CCDC122: variants seen among roughly 807,000 people sequenced by gnomAD.
CCDC122 encodes coiled-coil domain-containing protein 122.
CCDC122 carries 38 observed loss-of-function variants against 37.0 expected under a neutral mutation model. The ratio of observed to expected loss-of-function variants is 1.03; its 90% CI spans 0.79 to 1.35. The LOEUF (loss-of-function observed/expected upper bound fraction) is 1.35. Ranked by LOEUF, CCDC122 falls within the 40% of genes most tolerant of loss-of-function variation. The pLI, the probability that CCDC122 is intolerant of heterozygous loss-of-function variation, is 0.00. For missense variants in CCDC122, 305 were observed against 310.0 expected (o/e 0.98, Z 0.12); for synonymous variants, 83 against 95.6 (o/e 0.87, Z 0.77).
intron 6 of CCDC122, among the ~76,000 whole-genome samples, chr13:43,840,614 T>C (rs1953317588): frequency 6.6e-6 from 1 of 152,002 alleles, no homozygotes; most frequent in African/African-American, 2.4e-5. Context: ...AATTCCCACC[T>C]AGGAGTGAGA....
Position 43,837,137 on chromosome 13 carries a change from A to T in CCDC122, c.*143T>A, listed in dbSNP as rs1398325395. 1 of 786,518 alleles carries T rather than the reference A, an allele frequency of 1.3e-6. No homozygotes were observed. Among genetic ancestry groups the T allele is most frequent in the Non-Finnish European group, 2.0e-6 (1 of 506,556 alleles). 48.7% of individuals were successfully genotyped at this position (786,518 alleles called of 1,614,324 possible). On this transcript the variant is annotated 3_prime_UTR_variant, in exon 7 of 7. Transcript: ENST00000444614. ...TAACAAATCGATGACTGATTTAAAA[A>T]AAACAACAACCGAAGACATCTGTCA...
intron 1 of CCDC122, 72 bp from the exon 2 acceptor site, chr13:43,874,999 T>G (rs1954566188): frequency 6.6e-6 from 1 of 152,188 alleles, no homozygotes; most frequent in Non-Finnish European, 1.5e-5. Flanking sequence ...TAGGCAACAT[T>G]CATACATTAT....
At chr13:43,834,354 C>T (rs1419055793), downstream of CCDC122, among the ~76,000 whole-genome samples, 3 of 152,278 alleles carry the variant, frequency 2.0e-5, no homozygotes, top group African/African-American at 7.2e-5. Context: ...ACCATAAAAA[C>T]CCTAGAAGAA....
intron 2 of CCDC122, 103 bp from the exon 3 acceptor site, chr13:43,869,592 A>G (rs1353682281): frequency 1.2e-5 from 6 of 487,122 alleles, no homozygotes; most frequent in Non-Finnish European, 2.2e-5. Context: ...TTTGGAATGA[A>G]AGTAGAACTG....
downstream of CCDC122, among the ~76,000 whole-genome samples, chr13:43,833,764 C>T (rs1316811658): frequency 7.8e-6 from 1 of 128,788 alleles, no homozygotes; most frequent in East Asian, 2.7e-4. Context: ...GAGCAGTGTC[C>T]CTGATGACAC....
downstream of CCDC122, among the ~76,000 whole-genome samples, chr13:43,833,928 T>G (rs1001345176): frequency 3.3e-5 from 5 of 152,224 alleles, no homozygotes; most frequent in African/African-American, 1.2e-4. Flanking sequence ...TATTCTAAGC[T>G]AGGTTCAATT....
At chr13:43,853,195 G>T (rs767403402) in intron 6 of CCDC122, among the ~76,000 whole-genome samples, 2 of 152,138 alleles carry the variant, frequency 1.3e-5, no homozygotes, top group Non-Finnish European at 2.9e-5. Flanking sequence ...AGAGTGGCAA[G>T]CTGGATAAAG....
In CCDC122 at chr13:43,837,760, T is replaced by C. The variant is rs76006555; in HGVS notation, c.673-331A>G. 2.2e-4 allele frequency among the ~76,000 whole-genome samples: 33 copies of C among 152,180 alleles called. No individual in the cohort carries two copies. The East Asian group carries it at 5.0e-3, about 23-fold the overall frequency. ...TTTCATAGCTAGCAAGTGATGGAGTTTGGGAGGTTAGCAGAAGTGAAATAT... is the reference window on the plus strand; with the variant it reads ...TTTCATAGCTAGCAAGTGATGGAGTCTGGGAGGTTAGCAGAAGTGAAATAT... On this transcript the variant is annotated intron_variant, in intron 6 of 6. Transcript: ENST00000444614.
Position 43,868,969 on chromosome 13 carries a change from T to C in CCDC122, c.47-166A>G, listed in dbSNP as rs1351718983. Among the ~76,000 whole-genome samples the C allele has an allele frequency of 2.0e-5, 3 of 152,170 alleles. No homozygotes were observed. The East Asian group carries it at 5.8e-4, about 29-fold the overall frequency. On this transcript the variant is annotated intron_variant, in intron 3 of 6. Transcript: ENST00000444614. Reference sequence around the variant, plus strand: ...TTGCTGATATAAACAAAACCAAAAGTAAAGGCAACAATAATAGGCAATTCA... The same window carrying C: ...TTGCTGATATAAACAAAACCAAAAGCAAAGGCAACAATAATAGGCAATTCA...
chr13:43,859,554 A>C, intron 5 of CCDC122, 118 bp downstream of exon 5: 1 of 735,126 alleles, frequency 1.4e-6, no homozygotes, highest in Non-Finnish European at 2.0e-6. Context: ...ATAGTTTCTG[A>C]AGGTAATAGG....
chr13:43,821,416 G>T (rs1000836453), downstream of CCDC122, among the ~76,000 whole-genome samples: 2 of 152,140 alleles, frequency 1.3e-5, no homozygotes, highest in Non-Finnish European at 2.9e-5. Context: ...TAAAGATGGG[G>T]TTTCAACATG....
At chr13:43,862,582 T>A (rs950999940) in intron 4 of CCDC122, among the ~76,000 whole-genome samples, 9 of 152,194 alleles carry the variant, frequency 5.9e-5, no homozygotes, top group Non-Finnish European at 1.3e-4. Context: ...GTAAGCTCTG[T>A]GGCTACAGGA....
chr13:43,839,425 A>C (rs1953271846), intron 6 of CCDC122, among the ~76,000 whole-genome samples: 1 of 152,186 alleles, frequency 6.6e-6, no homozygotes, highest in South Asian at 2.1e-4. Flanking sequence ...AACAGAACTT[A>C]ATTACTTTGT....
chr13:43,826,248 T>C (rs1232831001), intron 3 of CCDC122, among the ~76,000 whole-genome samples: 1 of 152,232 alleles, frequency 6.6e-6, no homozygotes, highest in African/African-American at 2.4e-5. Context: ...TAGTGCTATA[T>C]TGTTAATTCA....
chr13:43,821,424 A>G (rs1952991712), downstream of CCDC122, among the ~76,000 whole-genome samples: 1 of 152,124 alleles, frequency 6.6e-6, no homozygotes, highest in African/African-American at 2.4e-5. Flanking sequence ...GGGTTTCAAC[A>G]TGTTGGCCAG....
rs925457498 is a variant in CCDC122, at chr13:43,872,552, T to TAAC, written c.-114+2287_-114+2289dup. Reference sequence around the variant, plus strand: ...TGAGTTGGTAATTTACCTTCTAATCTAACTGAGATAGAAGAAAAAAATCAG... The same window carrying TAAC: ...TGAGTTGGTAATTTACCTTCTAATCTAACAACTGAGATAGAAGAAAAAAATCAG... On this transcript the variant is annotated intron_variant, in intron 2 of 6. Coordinates refer to ENST00000444614, the MANE Select transcript of CCDC122 (RefSeq NM_144974.5). 7.2e-5 allele frequency among the ~76,000 whole-genome samples: 11 copies of TAAC among 152,218 alleles called. 1 individual carries two copies. The highest frequency in any genetic ancestry group is 2.6e-4 in the African/African-American group (11 of 41,530).
At chr13:43,821,221 T>G (rs1952990440), downstream of CCDC122, among the ~76,000 whole-genome samples, 1 of 152,220 alleles carries the variant, frequency 6.6e-6, no homozygotes, top group African/African-American at 2.4e-5. Context: ...GTAGGGGTTT[T>G]TAAAACATTT....
intron 6 of CCDC122, among the ~76,000 whole-genome samples, chr13:43,851,170 C>T (rs1263527345): frequency 6.6e-6 from 1 of 152,014 alleles, no homozygotes; most frequent in African/African-American, 2.4e-5. Flanking sequence ...GTGTTACCAG[C>T]AGACCTACCC....
chr13:43,824,816 A>G (rs1365490081), intron 3 of CCDC122, among the ~76,000 whole-genome samples: 1 of 152,246 alleles, frequency 6.6e-6, no homozygotes, highest in Admixed American at 6.5e-5. Context: ...ATTACTAATC[A>G]TCAGAGAAAT....
Sources: allele counts gnomAD v4.1 joint callset (sites outside exome capture counted in the v4.1 genomes callset), GRCh38; gene constraint gnomAD v4.1.1; transcripts MANE v1.5; gene names NCBI Gene and HGNC (gene_info 2026-07-23, HGNC 2026-07-21).